ZBTB44: variants seen among roughly 807,000 people sequenced by gnomAD.
ZBTB44 encodes zinc finger and BTB domain-containing protein 44.
In ZBTB44, 15 loss-of-function variants were observed where a neutral mutation model predicts 54.0. The ratio of observed to expected loss-of-function variants is 0.28; its 90% CI spans 0.19 to 0.43. The LOEUF (loss-of-function observed/expected upper bound fraction) is 0.43, where lower values mean the gene tolerates loss of function less well. Among genes scored for constraint, ZBTB44 ranks in the 20% least tolerant of loss-of-function variants. The pLI is 1.00. For missense variants in ZBTB44, 487 were observed against 707.1 expected (o/e 0.69, Z 3.53); for synonymous variants, 230 against 250.1 (o/e 0.92, Z 0.76).
intron 1 of ZBTB44, among the ~76,000 whole-genome samples, chr11:130,267,603 A>T (rs1230603508): frequency 1.3e-5 from 2 of 151,946 alleles, no homozygotes; most frequent in Non-Finnish European, 2.9e-5. Flanking sequence ...TTAGGTAGAG[A>T]TAGGGGTATC....
chr11:130,306,320 T>G (rs919266183), intron 1 of ZBTB44, among the ~76,000 whole-genome samples: 1 of 151,970 alleles, frequency 6.6e-6, no homozygotes, highest in Non-Finnish European at 1.5e-5. Flanking sequence ...CTGACCAACA[T>G]GGAGAAAACC....
intron 1 of ZBTB44, among the ~76,000 whole-genome samples, chr11:130,297,399 C>T (rs542919936): frequency 1.3e-5 from 2 of 152,306 alleles, no homozygotes; most frequent in South Asian, 4.1e-4. Flanking sequence ...AAAATATGTA[C>T]ACAAGTACTG....
intron 1 of ZBTB44, among the ~76,000 whole-genome samples, chr11:130,282,453 T>G (rs539282008): frequency 7.9e-5 from 12 of 152,368 alleles, no homozygotes; most frequent in Non-Finnish European, 1.5e-4. Context: ...TCTTCCACAA[T>G]GTACTACTGT....
At position 130,230,273 on chromosome 11, in the gene ZBTB44, C is replaced by T. The variant is rs980767793; in HGVS notation, c.*1491G>A. On this transcript the variant is annotated 3_prime_UTR_variant, in exon 8 of 8. Transcript: ENST00000357899. ...AGATTTAATACAGCTTCCAAAGGCT[C>T]CCAAGAGAACCATTTATAAACTGGG... The T allele has an allele frequency of 1.2e-4, 18 of 151,930 alleles. No individual in the cohort carries two copies. Among genetic ancestry groups the T allele is most frequent in the Non-Finnish European group, 2.2e-4 (15 of 67,874 alleles). 9.4% of individuals were successfully genotyped at this position (151,930 alleles called of 1,614,324 possible). A position where few individuals can be genotyped will look rare whatever the true frequency, so the allele number is the denominator to read the frequency against.
intron 1 of ZBTB44, among the ~76,000 whole-genome samples, chr11:130,269,821 G>GA (rs1243951150): frequency 6.6e-6 from 1 of 152,070 alleles, no homozygotes; most frequent in East Asian, 1.9e-4. Flanking sequence ...AGGAATCATA[G>GA]AAATTATACT....
Position 130,261,929 on chromosome 11 carries a change from C to A in ZBTB44, c.-56G>T. 6.7e-7 allele frequency: 1 copy of A among 1,482,728 alleles called. No individual in the cohort carries two copies. Among genetic ancestry groups the A allele is most frequent in the Non-Finnish European group, 9.0e-7 (1 of 1,116,322 alleles). The allele number at this position is 1,482,728 out of a possible 1,614,324, so 91.8% of individuals were successfully genotyped here. A position where few individuals can be genotyped will look rare whatever the true frequency, so the allele number is the denominator to read the frequency against. The stretch of plus-strand genomic sequence containing the variant: ...AAGGATGCAAATAAATCAGAAATGT[C>A]CTAAAAAATACATAAAATAAAGCAT... On this transcript the variant is annotated splice_region_variant and 5_prime_UTR_variant, in exon 2 of 8. Coordinates refer to ENST00000357899, the MANE Select transcript of ZBTB44 (RefSeq NM_001301098.2). This position sits in a 1 kb window ranked among gnomAD's most constrained non-coding sequence, Gnocchi z 4.8.
rs189902794 is a variant in ZBTB44 at position 130,243,561 on chromosome 11, T to C, written c.1019-3665A>G. ...CTAGTCCGCTCATTGCCAAGGCAGGTTTTTCTACAGTCCCCTGGAGTTTGG... is the reference window on the plus strand; with the variant it reads ...CTAGTCCGCTCATTGCCAAGGCAGGCTTTTCTACAGTCCCCTGGAGTTTGG... On this transcript the variant is annotated intron_variant, in intron 2 of 7. Coordinates refer to ENST00000357899, the MANE Select transcript of ZBTB44 (RefSeq NM_001301098.2). Among the ~76,000 whole-genome samples, 326 of 152,276 alleles carry C rather than the reference T, an allele frequency of 2.1e-3. 3 individuals carry two copies. The highest frequency in any genetic ancestry group is 2.3e-3 in the South Asian group (11 of 4,830).
rs149600236 is a variant in ZBTB44 at position 130,301,636 on chromosome 11, C to A, written c.-57+12739G>T. 3.7e-4 allele frequency among the ~76,000 whole-genome samples: 56 copies of A among 152,142 alleles called. 1 individual carries two copies. The East Asian group carries it at 9.9e-3, about 27-fold the overall frequency. ...CAGAGACTGTGCCATTGCACTCCAG[C>A]CTGGGCAATTGAGCCAGATTCTGTC... On this transcript the variant is annotated intron_variant, in intron 1 of 7. Transcript: ENST00000357899.
chr11:130,314,039 C>A (rs1004624548), intron 1 of ZBTB44, among the ~76,000 whole-genome samples: 3 of 151,314 alleles, frequency 2.0e-5, no homozygotes. Flanking sequence ...GGAAAAAAAA[C>A]AGGTCTGAGC....
In ZBTB44 at chr11:130,261,278, C is replaced by G; in HGVS notation, c.596G>C (p.Gly199Ala). The change falls in exon 2 of 8, where the codon GGC becomes GCC. Residue 199 changes from glycine (G) to alanine (A), a missense_variant. Around this residue, in one of 3 missense-constraint regions of ZBTB44, gnomAD observed 277 missense variants for 306.5 expected, o/e 0.90. Coordinates refer to ENST00000357899, the MANE Select transcript of ZBTB44 (RefSeq NM_001301098.2). The surrounding 1 kb of genome is among the most constrained non-coding windows in gnomAD (Gnocchi z 4.8). ...VMSPESPVKC[G>A]TQTSSPQVLN... Reference sequence around the variant, plus strand: ...TACCTGGGGTGAGCTTGTTTGTGTGCCACACTTTACAGGACTTTCAGGAGA... The same window carrying G: ...TACCTGGGGTGAGCTTGTTTGTGTGGCACACTTTACAGGACTTTCAGGAGA... The G allele has an allele frequency of 1.2e-6, 2 of 1,613,762 alleles. No individual in the cohort carries two copies. The highest frequency in any genetic ancestry group is 1.7e-6 in the Non-Finnish European group (2 of 1,179,886).
chr11:130,283,732 G>A (rs548885113), intron 1 of ZBTB44, among the ~76,000 whole-genome samples: 2 of 151,676 alleles, frequency 1.3e-5, no homozygotes, highest in Non-Finnish European at 2.9e-5. Flanking sequence ...TTGGGAGGCC[G>A]AGGTGGGTGG....
Position 130,299,333 on chromosome 11 carries a change from T to C in ZBTB44, c.-57+15042A>G, listed in dbSNP as rs566680589. Among the ~76,000 whole-genome samples the C allele has an allele frequency of 2.6e-5, 4 of 152,284 alleles. No individual in the cohort carries two copies. The South Asian group carries it at 8.3e-4, about 32-fold the overall frequency. On this transcript the variant is annotated intron_variant, in intron 1 of 7. Coordinates refer to ENST00000357899, the MANE Select transcript of ZBTB44 (RefSeq NM_001301098.2). Reference sequence around the variant, plus strand: ...ATCTGGAAATTAAACAATGCACTTCTAAATAATAACCCATGGGCTGGTCAA... The same window carrying C: ...ATCTGGAAATTAAACAATGCACTTCCAAATAATAACCCATGGGCTGGTCAA...
rs1375294042 is a variant in ZBTB44 at position 130,228,010 on chromosome 11, T to C, written c.*3754A>G. The C allele has an allele frequency of 1.3e-5, 2 of 152,134 alleles. No homozygotes were observed. The highest frequency in any genetic ancestry group is 2.9e-5 in the Non-Finnish European group (2 of 68,026). 9.4% of individuals were successfully genotyped at this position (152,134 alleles called of 1,614,324 possible). On this transcript the variant is annotated 3_prime_UTR_variant, in exon 8 of 8. Transcript: ENST00000357899. ...AAATATATATATTTAAATATTAAAA[T>C]AGGCTACCTAGGATTTTTATAAAAT...
At chr11:130,286,592 AAGAATTAT>A (rs1311212106) in intron 1 of ZBTB44, among the ~76,000 whole-genome samples, 1 of 152,234 alleles carries the variant, frequency 6.6e-6, no homozygotes, top group Non-Finnish European at 1.5e-5. Context: ...CATTAATTAA[AAGAATTAT>A]AGTCTTTTCA....
intron 4 of ZBTB44, among the ~76,000 whole-genome samples, chr11:130,238,120 G>A (rs1207568545): frequency 3.3e-5 from 5 of 152,120 alleles, no homozygotes; most frequent in Admixed American, 6.6e-5. Context: ...CACCCATACA[G>A]ACCCTTTTAA....
At chr11:130,301,915 C>A (rs2134455676) in intron 1 of ZBTB44, among the ~76,000 whole-genome samples, 1 of 151,734 alleles carries the variant, frequency 6.6e-6, no homozygotes, top group African/African-American at 2.4e-5. Context: ...TGGTGGAGTG[C>A]ACCTGTAGTC....
At chr11:130,255,806 T>C (rs61915092) in intron 2 of ZBTB44, among the ~76,000 whole-genome samples, 2,978 of 149,552 alleles carry the variant, frequency 0.02, 49 homozygotes, top group Middle Eastern at 0.031. Flanking sequence ...AGACGAAAAT[T>C]CCTGGACATA....
In ZBTB44 at chr11:130,294,538, C is replaced by CAAAA. The variant is rs11322495; in HGVS notation, c.-57+19833_-57+19836dup. ...GGATTTACACAAAGGTCTATATGAC[C>CAAAA]AAAAAAAAAAAAAAAAAAAAAAAAA... On this transcript the variant is annotated intron_variant, in intron 1 of 7. Transcript: ENST00000357899. Among the ~76,000 whole-genome samples the CAAAA allele has an allele frequency of 1.3e-3, 62 of 48,656 alleles. 7 individuals are homozygous for CAAAA. The East Asian group carries it at 0.019, about 15-fold the overall frequency. 31.9% of individuals were successfully genotyped at this position (48,656 alleles called of 152,430 possible). A position where few individuals can be genotyped will look rare whatever the true frequency, so the allele number is the denominator to read the frequency against.
chr11:130,239,709 G>T, intron 3 of ZBTB44, 103 bp downstream of exon 3: 1 of 877,596 alleles, frequency 1.1e-6, no homozygotes, highest in Non-Finnish European at 1.8e-6. Flanking sequence ...GTATACTGAA[G>T]TGAGGTTGTA....
Sources: allele counts gnomAD v4.1 joint callset (sites outside exome capture counted in the v4.1 genomes callset), GRCh38; gene constraint gnomAD v4.1.1; regional missense constraint gnomAD v4.1.1; non-coding constraint Gnocchi (gnomAD v3.1); transcripts MANE v1.5; gene names NCBI Gene and HGNC (gene_info 2026-07-23, HGNC 2026-07-21).